The following BRINP3 variants were observed in gnomAD, a reference collection of about 807,000 sequenced individuals.
BRINP3 encodes BMP/retinoic acid inducible neural specific 3.
In BRINP3, 19 loss-of-function variants were observed where a neutral mutation model predicts 71.0. That is an observed-to-expected ratio of 0.27 (90% CI 0.19 to 0.39). The LOEUF (loss-of-function observed/expected upper bound fraction) is 0.39. Ranked by LOEUF, BRINP3 falls within the 10% of genes least tolerant of loss-of-function variation. The probability of loss-of-function intolerance (pLI) is 1.00; values close to 1 mark genes in which losing one functional copy is unlikely to be tolerated. For synonymous variants in BRINP3, 380 were observed against 337.7 expected, an observed-to-expected ratio of 1.13 and a Z score of -1.37; for missense variants, 959 against 940.8, an observed-to-expected ratio of 1.02 and a Z score of -0.25.
At chr1:190,472,940 A>G (rs1016052217) in intron 1 of BRINP3, among the ~76,000 whole-genome samples, 1 of 151,770 alleles carries the variant, frequency 6.6e-6, no homozygotes, top group Admixed American at 6.6e-5. Flanking sequence ...AGTTTATGAA[A>G]ATGTACATTT....
chr1:190,142,021 TAA>T (rs1268517384), intron 7 of BRINP3, among the ~76,000 whole-genome samples: 1 of 152,146 alleles, frequency 6.6e-6, no homozygotes, highest in Non-Finnish European at 1.5e-5. Flanking sequence ...ATATATAAAA[TAA>T]AAAGACTCTT....
At chr1:190,288,591 T>G (rs1189233268) in intron 2 of BRINP3, among the ~76,000 whole-genome samples, 1 of 151,922 alleles carries the variant, frequency 6.6e-6, no homozygotes, top group South Asian at 2.1e-4. Flanking sequence ...ATCATGGGTG[T>G]AATAAAACTG....
At chr1:190,151,220 CA>C (rs1293719517) in intron 7 of BRINP3, among the ~76,000 whole-genome samples, 5 of 152,068 alleles carry the variant, frequency 3.3e-5, no homozygotes, top group African/African-American at 1.2e-4. Context: ...TCCACTTATT[CA>C]AAAACAAGTA....
At chr1:190,134,487 A>T (rs1327608272) in intron 7 of BRINP3, among the ~76,000 whole-genome samples, 1 of 152,170 alleles carries the variant, frequency 6.6e-6, no homozygotes, top group African/African-American at 2.4e-5. Flanking sequence ...GTGGAGAATG[A>T]ATTCAAAAGA....
At chr1:190,387,259 A>C (rs954897002) in intron 2 of BRINP3, among the ~76,000 whole-genome samples, 1 of 152,012 alleles carries the variant, frequency 6.6e-6, no homozygotes, top group African/African-American at 2.4e-5. Context: ...TAATTGCTAG[A>C]AATTAATAAC....
intron 2 of BRINP3, among the ~76,000 whole-genome samples, chr1:190,448,180 G>A (rs143563562): frequency 9.2e-5 from 14 of 151,678 alleles, no homozygotes; most frequent in African/African-American, 2.2e-4. Flanking sequence ...TCAGTTTTCT[G>A]AGCAAACAGT....
chr1:190,111,635 C>T (rs1652707376), intron 7 of BRINP3, among the ~76,000 whole-genome samples: 1 of 152,126 alleles, frequency 6.6e-6, no homozygotes, highest in African/African-American at 2.4e-5. Context: ...CTTCTTACTC[C>T]TTTAGTCAAC....
intron 7 of BRINP3, among the ~76,000 whole-genome samples, chr1:190,114,653 C>T (rs1030184677): frequency 6.6e-6 from 1 of 151,716 alleles, no homozygotes; most frequent in African/African-American, 2.4e-5. Flanking sequence ...AAATCACAGT[C>T]CTTCAATCAT....
At chr1:190,380,887 T>C (rs989154741) in intron 2 of BRINP3, among the ~76,000 whole-genome samples, 1 of 152,136 alleles carries the variant, frequency 6.6e-6, no homozygotes, top group Non-Finnish European at 1.5e-5. Context: ...CTCATTTCTA[T>C]CACACCACTC....
At chr1:190,152,548 C>CA (rs1439516950) in intron 7 of BRINP3, among the ~76,000 whole-genome samples, 1 of 141,426 alleles carries the variant, frequency 7.1e-6, no homozygotes, top group Admixed American at 7.3e-5. Context: ...CCCCGCCCCC[C>CA]AAAAAAGCAA....
At chr1:190,154,160 C>T (rs929922124) in intron 7 of BRINP3, 3 of 674,960 alleles carry the variant, frequency 4.4e-6, no homozygotes, top group African/African-American at 3.9e-5. Context: ...CCCTTAAGAA[C>T]CAATTTAGGA....
intron 4 of BRINP3, among the ~76,000 whole-genome samples, chr1:190,262,808 A>T (rs942047517): frequency 6.6e-6 from 1 of 152,160 alleles, no homozygotes; most frequent in Non-Finnish European, 1.5e-5. Flanking sequence ...AGACTTAATG[A>T]ATCATCATTA....
At chr1:190,169,955 T>G (rs1488734607) in intron 6 of BRINP3, among the ~76,000 whole-genome samples, 3 of 152,142 alleles carry the variant, frequency 2.0e-5, no homozygotes, top group Non-Finnish European at 4.4e-5. Context: ...AAAATTTCCC[T>G]AAGCAAGTTT....
chr1:190,232,211 C>T (rs940683697), intron 5 of BRINP3, among the ~76,000 whole-genome samples: 1 of 151,908 alleles, frequency 6.6e-6, no homozygotes, highest in Non-Finnish European at 1.5e-5. Flanking sequence ...CTGTTGTTAC[C>T]TTAGTAAAAT....
chr1:190,128,089 T>C (rs1204827626), intron 7 of BRINP3, among the ~76,000 whole-genome samples: 1 of 151,778 alleles, frequency 6.6e-6, no homozygotes, highest in African/African-American at 2.4e-5. Context: ...GGTAGGAGGA[T>C]ACAAAGATCC....
chr1:190,291,585 A>T (rs1447529533), intron 2 of BRINP3, among the ~76,000 whole-genome samples: 1 of 152,150 alleles, frequency 6.6e-6, no homozygotes, highest in Non-Finnish European at 1.5e-5. Flanking sequence ...AGGGAAATGC[A>T]AATTGAAACC....
At chr1:190,436,034 C>T (rs141835051) in intron 2 of BRINP3, among the ~76,000 whole-genome samples, 3 of 151,694 alleles carry the variant, frequency 2.0e-5, no homozygotes, top group African/African-American at 4.8e-5. Flanking sequence ...AATTAGTTAC[C>T]CATCTGTTTG....
intron 2 of BRINP3, among the ~76,000 whole-genome samples, chr1:190,303,023 C>T (rs987369577): frequency 6.6e-6 from 1 of 151,520 alleles, no homozygotes; most frequent in Admixed American, 6.6e-5. Flanking sequence ...GGTATATCAC[C>T]TTCAAAATGA....
intron 2 of BRINP3, among the ~76,000 whole-genome samples, chr1:190,409,642 C>G (rs1326913171): frequency 6.6e-6 from 1 of 152,108 alleles, no homozygotes; most frequent in Non-Finnish European, 1.5e-5. Flanking sequence ...GTGAATATCT[C>G]ACTTTGGGAG....
Sources: allele counts gnomAD v4.1 joint callset (sites outside exome capture counted in the v4.1 genomes callset), GRCh38; gene constraint gnomAD v4.1.1; transcripts MANE v1.5; gene names NCBI Gene and HGNC (gene_info 2026-07-23, HGNC 2026-07-21).